TACC2: variants seen among roughly 807,000 people sequenced by gnomAD.
TACC2 encodes transforming acidic coiled-coil containing protein 2.
Under a neutral mutation model 227.3 loss-of-function variants are expected in TACC2, and 137 were observed. The observed-to-expected ratio is 0.60, with a 90% CI of 0.52 to 0.69. The LOEUF is 0.69. TACC2 is among the 30% of genes least tolerant of loss of function. The pLI is 0.00. For synonymous variants in TACC2, 1,523 were observed against 1,487.5 expected, an observed-to-expected ratio of 1.02 and a Z score of -0.55; for missense variants, 3,470 against 3,694.4, an observed-to-expected ratio of 0.94 and a Z score of 1.57.
chr10:122,224,786 C>T lies in TACC2; in HGVS notation c.7607C>T (p.Pro2536Leu), dbSNP rs2095591386. ...ATGGAGAAAATTGGCTCCTCCTTAC[C>T]TGTAAGTTCGTCTGCCTCGGGCCAC... is the stretch of plus-strand genomic sequence containing the variant. Reference protein sequence around the residue: ...EYMEKIGSSLPQDDDAPKKQA... With the variant: ...EYMEKIGSSLLQDDDAPKKQA... The change falls in exon 12 of 23, where the codon CCT becomes CTT. Residue 2536 changes from proline to leucine, a missense_variant and splice_region_variant. Transcript: ENST00000369005. The T allele has an allele frequency of 6.2e-7, 1 of 1,613,838 alleles. No individual in the cohort carries two copies. Among genetic ancestry groups the T allele is most frequent in the Non-Finnish European group, 8.5e-7 (1 of 1,179,796 alleles).
At chr10:122,139,975 G>A (rs1457087652) in intron 6 of TACC2, among the ~76,000 whole-genome samples, 3 of 152,186 alleles carry the variant, frequency 2.0e-5, no homozygotes, top group Non-Finnish European at 2.9e-5. Context: ...CTGCCTAGCG[G>A]GACTCAAAAG....
At chr10:122,213,298 G>C in intron 9 of TACC2, 1 of 1,597,242 alleles carries the variant, frequency 6.3e-7, no homozygotes, top group Non-Finnish European at 8.5e-7. Flanking sequence ...TTTTTTGTCA[G>C]TTCCTTCTGT....
chr10:122,215,210 G>A (rs890499058), intron 9 of TACC2, among the ~76,000 whole-genome samples, 181 bp from the exon 10 acceptor site: 1 of 152,122 alleles, frequency 6.6e-6, no homozygotes, highest in Non-Finnish European at 1.5e-5. Context: ...AAAAATAATA[G>A]CTGTTAAAAA....
chr10:122,082,869 A>G lies in TACC2; in HGVS notation c.369A>G (p.Ala123=). The G allele has an allele frequency of 6.2e-7, 1 of 1,613,408 alleles. No homozygotes were observed. The highest frequency in any genetic ancestry group is 8.5e-7 in the Non-Finnish European group (1 of 1,180,010). Residue 123 remains alanine, a synonymous_variant, in exon 4 of 23, where the codon GCA becomes GCG. Coordinates refer to ENST00000369005, the MANE Select transcript of TACC2 (RefSeq NM_206862.4). ...FAECPPEGCL[A]SPAAAPEDGP... ...AGTGTCCCCCGGAAGGTTGCTTGGCAAGTCCAGCAGCGGCACCTGAAGATG... is the reference window on the plus strand; with the variant it reads ...AGTGTCCCCCGGAAGGTTGCTTGGCGAGTCCAGCAGCGGCACCTGAAGATG...
chr10:122,022,686 A>G (rs908100843), intron 2 of TACC2: 4 of 148,354 alleles, frequency 2.7e-5, no homozygotes, highest in Non-Finnish European at 5.9e-5. Context: ...ACCTTTCCAC[A>G]CTGCTCCCCC....
intron 2 of TACC2, among the ~76,000 whole-genome samples, chr10:122,049,282 C>T (rs2075402576): frequency 6.6e-6 from 1 of 152,152 alleles, no homozygotes; most frequent in South Asian, 2.1e-4. Context: ...CTCGGCTTTT[C>T]TCTGCCTGCG....
At chr10:122,166,639 A>G (rs2093179077) in intron 7 of TACC2, among the ~76,000 whole-genome samples, 2 of 152,198 alleles carry the variant, frequency 1.3e-5, no homozygotes. Context: ...GCTGAATCAG[A>G]ATCTCCATTT....
At chr10:121,990,906 G>A (rs1203225719) in intron 1 of TACC2, among the ~76,000 whole-genome samples, 1 of 152,054 alleles carries the variant, frequency 6.6e-6, no homozygotes, top group Admixed American at 6.6e-5. Context: ...TCCTGCCTCA[G>A]CCCCCTGAGT....
At chr10:122,249,273 AGT>A in intron 21 of TACC2, 117 bp downstream of exon 21, 1 of 784,260 alleles carries the variant, frequency 1.3e-6, no homozygotes, top group Non-Finnish European at 2.1e-6. Context: ...GCATCATCCA[AGT>A]GTGTGTTTCA....
At chr10:122,120,431 C>T (rs1038399916) in intron 5 of TACC2, among the ~76,000 whole-genome samples, 8 of 152,266 alleles carry the variant, frequency 5.3e-5, no homozygotes, top group Non-Finnish European at 1.2e-4. Context: ...GGGTCTTATG[C>T]CCCCACCCCC....
At chr10:122,251,761 G>T (rs543814260) in intron 22 of TACC2, among the ~76,000 whole-genome samples, 3 of 152,320 alleles carry the variant, frequency 2.0e-5, no homozygotes, top group South Asian at 2.1e-4. Flanking sequence ...GGCTATTGTA[G>T]CAGTTGAACA....
intron 7 of TACC2, among the ~76,000 whole-genome samples, chr10:122,172,495 T>G (rs2093522375): frequency 6.6e-6 from 1 of 152,152 alleles, no homozygotes; most frequent in Non-Finnish European, 1.5e-5. Context: ...AGGCCCCTGG[T>G]GGAAGCTGCA....
Position 122,187,614 on chromosome 10 carries a change from G to A in TACC2, c.5835-7426G>A, listed in dbSNP as rs527319823. ...CAAGTGATTCTCATGCCTCAGCCCC[G>A]TGAGTAGCTGGAATTACAGGCGCCT... On this transcript the variant is annotated intron_variant, in intron 7 of 22. Transcript: ENST00000369005. Among the ~76,000 whole-genome samples, 3 of 151,904 alleles carry A rather than the reference G, an allele frequency of 2.0e-5. No individual in the cohort carries two copies. In the South Asian group the frequency reaches 6.3e-4, roughly 32 times the overall value.
At chr10:122,045,996 C>A (rs1433938370) in intron 2 of TACC2, among the ~76,000 whole-genome samples, 1 of 150,374 alleles carries the variant, frequency 6.7e-6, no homozygotes, top group African/African-American at 2.5e-5. Flanking sequence ...CATGGTGAGA[C>A]CCCCATCTCT....
Position 122,227,938 on chromosome 10 carries a change from T to G in TACC2, c.7826T>G (p.Val2609Gly). 6.2e-7 allele frequency: 1 copy of G among 1,614,218 alleles called. No homozygotes were observed. The highest frequency in any genetic ancestry group is 2.2e-5 in the East Asian group (1 of 44,892). The change falls in exon 14 of 23, where the codon GTG (valine) becomes GGG (glycine). Residue 2609 changes from valine (V) to glycine (G), a missense_variant. Coordinates refer to ENST00000369005, the MANE Select transcript of TACC2 (RefSeq NM_206862.4). ...CCTAACCAAGAGTCACACTTGCAGG[T>G]GCCAGAGAAATCCTCCCAGAAGGAG... ...LAPNQESHLQ[V>G]PEKSSQKELE... is the part of the protein sequence containing the mutation.
intron 3 of TACC2, among the ~76,000 whole-genome samples, chr10:122,076,874 G>A (rs116101727): frequency 0.017 from 2,642 of 152,206 alleles, 75 homozygotes; most frequent in African/African-American, 0.061. Flanking sequence ...GAGCACTTTA[G>A]GAGGCTAAGG....
At chr10:122,218,394 G>A (rs967676117) in intron 11 of TACC2, among the ~76,000 whole-genome samples, 5 of 151,810 alleles carry the variant, frequency 3.3e-5, no homozygotes, top group African/African-American at 1.2e-4. Flanking sequence ...TGTCATGAGG[G>A]TGCAGGTAGA....
At position 122,103,334 on chromosome 10, in the gene TACC2, C is replaced by T. The variant is rs536652400; in HGVS notation, c.5573+14743C>T. On this transcript the variant is annotated intron_variant, in intron 5 of 22. Transcript: ENST00000369005. Reference sequence around the variant, plus strand: ...CCGTGGCACTGCTCAGTGTGGCCTCCGGGTGAGTTCACCACTCAAAGCCTG... The same window carrying T: ...CCGTGGCACTGCTCAGTGTGGCCTCTGGGTGAGTTCACCACTCAAAGCCTG... Among the ~76,000 whole-genome samples the T allele has an allele frequency of 1.6e-3, 236 of 152,252 alleles. No homozygotes were observed. In the Middle Eastern group the frequency reaches 0.02, roughly 13 times the overall value.
chr10:122,081,988 G>T (rs1387285922), intron 3 of TACC2, among the ~76,000 whole-genome samples: 1 of 152,124 alleles, frequency 6.6e-6, no homozygotes, highest in Non-Finnish European at 1.5e-5. Context: ...CACAGGACTG[G>T]TTCAAATCCC....
Sources: gnomAD v4.1 joint callset for allele counts (sites outside exome capture counted in the v4.1 genomes callset) on GRCh38, gnomAD v4.1.1 for gene constraint, MANE v1.5 for transcripts, NCBI Gene and HGNC (gene_info 2026-07-23, HGNC 2026-07-21) for gene names.